The following SLC24A4 variants were observed in gnomAD, a reference collection of about 807,000 sequenced individuals.
The protein encoded by SLC24A4 is solute carrier family 24 member 4, also known as sodium/potassium/calcium exchanger 4.
In SLC24A4, 53 loss-of-function variants were observed where a neutral mutation model predicts 79.0. That is an observed-to-expected ratio of 0.67 (90% CI 0.54 to 0.84). The LOEUF (loss-of-function observed/expected upper bound fraction) is 0.84. Among genes scored for constraint, SLC24A4 ranks in the 40% least tolerant of loss-of-function variants. The pLI is 0.00. For synonymous variants in SLC24A4, 323 were observed against 323.8 expected, an observed-to-expected ratio of 1.00 and a Z score of 0.03; for missense variants, 731 against 822.0, an observed-to-expected ratio of 0.89 and a Z score of 1.35.
intron 3 of SLC24A4, among the ~76,000 whole-genome samples, chr14:92,438,723 A>C (rs1892320893): frequency 6.6e-6 from 1 of 152,202 alleles, no homozygotes; most frequent in African/African-American, 2.4e-5. Flanking sequence ...AGGAGCCTCC[A>C]TGTGTTCAGC....
At chr14:92,364,398 A>C (rs903584324) in intron 2 of SLC24A4, among the ~76,000 whole-genome samples, 2 of 152,154 alleles carry the variant, frequency 1.3e-5, no homozygotes, top group African/African-American at 4.8e-5. Context: ...CCACAGAGGG[A>C]AGGGAGGTGG....
chr14:92,333,576 T>G (rs750322117), intron 2 of SLC24A4, among the ~76,000 whole-genome samples: 4 of 152,200 alleles, frequency 2.6e-5, no homozygotes, highest in Non-Finnish European at 5.9e-5. Flanking sequence ...GTGGTTTTCC[T>G]TCTTCCAAAT....
intron 7 of SLC24A4, 125 bp downstream of exon 7, chr14:92,443,599 GCC>G: frequency 6.3e-6 from 6 of 955,398 alleles, no homozygotes; most frequent in Non-Finnish European, 9.6e-6. Flanking sequence ...AGTGGGGTGT[GCC>G]AGCCACTCAC....
Position 92,493,680 on chromosome 14 carries a change from T to C in SLC24A4, c.*52T>C. ...ATCTGGACACCCTGTGACACTGGCGTTCTCCTCTCCCCTCCTTCCCCCACC... is the reference window on the plus strand; with the variant it reads ...ATCTGGACACCCTGTGACACTGGCGCTCTCCTCTCCCCTCCTTCCCCCACC... On this transcript the variant is annotated 3_prime_UTR_variant, in exon 17 of 17. Coordinates refer to ENST00000532405, the MANE Select transcript of SLC24A4 (RefSeq NM_153646.4). The C allele has an allele frequency of 1.3e-6, 2 of 1,595,000 alleles. No homozygotes were observed. Among genetic ancestry groups the C allele is most frequent in the Non-Finnish European group, 1.7e-6 (2 of 1,168,876 alleles).
chr14:92,347,358 C>T (rs915259350), intron 2 of SLC24A4, among the ~76,000 whole-genome samples: 6 of 152,146 alleles, frequency 3.9e-5, no homozygotes, highest in African/African-American at 1.2e-4. Flanking sequence ...TTACTAATGA[C>T]CAAGGGCAGA....
intron 2 of SLC24A4, among the ~76,000 whole-genome samples, chr14:92,390,323 C>T (rs1221896597): frequency 6.6e-6 from 1 of 152,050 alleles, no homozygotes; most frequent in Admixed American, 6.6e-5. Context: ...AAGCAGAGGG[C>T]ACAGCTACTC....
chr14:92,391,438 C>G (rs1160476548), intron 2 of SLC24A4, among the ~76,000 whole-genome samples: 3 of 152,212 alleles, frequency 2.0e-5, no homozygotes, highest in African/African-American at 7.2e-5. Context: ...CAGCACCCAT[C>G]ATGCATTGCT....
Position 92,456,578 on chromosome 14 carries a change from G to A in SLC24A4, c.1225G>A (p.Ala409Thr). The A allele has an allele frequency of 6.2e-7, 1 of 1,613,888 alleles. No homozygotes were observed. Among genetic ancestry groups the A allele is most frequent in the Non-Finnish European group, 8.5e-7 (1 of 1,179,938 alleles). ...ACCGCCAGAGCCAGAGCCGGTGGAG[G>A]CTGACTTCCTGTCCCCCTTCTCCGT... ...PPPPEPEPVE[A>T]DFLSPFSVPE... Residue 409 changes from alanine (A) to threonine (T), a missense_variant, in exon 12 of 17, where the codon GCT becomes ACT. Ala to Thr is a moderately conservative substitution (Grantham distance 58). Transcript: ENST00000532405.
At chr14:92,390,100 C>T (rs1889380803) in intron 2 of SLC24A4, among the ~76,000 whole-genome samples, 1 of 148,256 alleles carries the variant, frequency 6.7e-6, no homozygotes, top group South Asian at 2.3e-4. Context: ...CAGGTCTTCC[C>T]GGCTACCCCT....
rs148253052 is a variant in SLC24A4 at position 92,449,136 on chromosome 14, C to A, written c.800C>A (p.Pro267Gln). 2.5e-6 allele frequency: 4 copies of A among 1,614,178 alleles called. No individual in the cohort carries two copies. Among genetic ancestry groups the A allele is most frequent in the South Asian group, 1.1e-5 (1 of 91,088 alleles). The change falls in exon 10 of 17, where the codon CCG becomes CAG. Residue 267 changes from proline (P) to glutamine (Q), a missense_variant. By Grantham distance (76) the Pro-to-Gln change is moderately conservative (BLOSUM62 -1). Transcript: ENST00000532405. ...VKQKSIANGN[P>Q]VNSELEAGND... The stretch of plus-strand genomic sequence containing the variant: ...CAAAAGAGCATTGCAAACGGTAACC[C>A]GGTCAACAGTGAGCTGGAGGCTGGT...
intron 2 of SLC24A4, among the ~76,000 whole-genome samples, chr14:92,341,056 A>G (rs1351849368): frequency 6.6e-6 from 1 of 152,200 alleles, no homozygotes; most frequent in African/African-American, 2.4e-5. Flanking sequence ...ATGAGTATGC[A>G]GGGAGGCCGG....
chr14:92,494,520 T>C lies in SLC24A4; in HGVS notation c.*892T>C, dbSNP rs1046085633. On this transcript the variant is annotated 3_prime_UTR_variant, in exon 17 of 17. Coordinates refer to ENST00000532405, the MANE Select transcript of SLC24A4 (RefSeq NM_153646.4). This position sits in a 1 kb window ranked among gnomAD's most constrained non-coding sequence, Gnocchi z 4.6. ...CTAACTCAGAGACTGGAGATTATAGTTTACAGCTGTACTTTCCAGATCTTC... is the reference window on the plus strand; with the variant it reads ...CTAACTCAGAGACTGGAGATTATAGCTTACAGCTGTACTTTCCAGATCTTC... The C allele has an allele frequency of 6.6e-6, 1 of 152,232 alleles. No homozygotes were observed. Among genetic ancestry groups the C allele is most frequent in the African/African-American group, 2.4e-5 (1 of 41,466 alleles). 9.4% of individuals were successfully genotyped at this position (152,232 alleles called of 1,614,324 possible).
In SLC24A4 at chr14:92,325,904, C is replaced by T. The variant is rs563783999; in HGVS notation, c.167C>T (p.Pro56Leu). The T allele has an allele frequency of 2.5e-6, 4 of 1,612,068 alleles. No individual in the cohort carries two copies. Among genetic ancestry groups the T allele is most frequent in the Non-Finnish European group, 3.4e-6 (4 of 1,179,114 alleles). Reference protein sequence around the residue: ...KTASASKRVLPDTWRNRKLMA... With the variant: ...KTASASKRVLLDTWRNRKLMA... ...GCTTCTGCTAGCAAACGTGTCCTGC[C>T]AGACACGTGGAGAAATAGAAAGTTG... The change falls in exon 2 of 17, where the codon CCA (proline) becomes CTA (leucine). Residue 56 changes from proline to leucine, a missense_variant. Physicochemically the swap from Pro to Leu is moderately conservative, Grantham distance 98 (BLOSUM62 -3). Transcript: ENST00000532405.
At chr14:92,448,995 A>C (rs903117129) in intron 9 of SLC24A4, 79 bp from the exon 10 acceptor site, 1 of 1,553,512 alleles carries the variant, frequency 6.4e-7, no homozygotes, top group African/African-American at 1.4e-5. Context: ...GCGTGCAGGG[A>C]TGGGGTGTGA....
chr14:92,458,858 A>G (rs1447621071), intron 12 of SLC24A4, among the ~76,000 whole-genome samples: 3 of 152,168 alleles, frequency 2.0e-5, no homozygotes, highest in Non-Finnish European at 2.9e-5. Context: ...GATGCCAGGG[A>G]GGGCCAGAGT....
At chr14:92,363,511 C>A (rs1887650388) in intron 2 of SLC24A4, among the ~76,000 whole-genome samples, 1 of 152,232 alleles carries the variant, frequency 6.6e-6, no homozygotes, top group African/African-American at 2.4e-5. Flanking sequence ...TTGCATGTAG[C>A]CTCCAGATTG....
At chr14:92,445,429 A>T in intron 8 of SLC24A4, 87 bp downstream of exon 8, 1 of 1,394,668 alleles carries the variant, frequency 7.2e-7, no homozygotes, top group Non-Finnish European at 1.0e-6. Flanking sequence ...ATCGTTTTAA[A>T]AATTATTTTT....
chr14:92,404,459 A>G (rs1327853762), intron 2 of SLC24A4, among the ~76,000 whole-genome samples: 1 of 151,864 alleles, frequency 6.6e-6, no homozygotes, highest in Non-Finnish European at 1.5e-5. Flanking sequence ...CTGAGCCCCC[A>G]GTCCCCATCC....
At chr14:92,405,446 G>A (rs1412635991) in intron 2 of SLC24A4, among the ~76,000 whole-genome samples, 1 of 152,164 alleles carries the variant, frequency 6.6e-6, no homozygotes, top group Non-Finnish European at 1.5e-5. Flanking sequence ...CAGTAGCAAA[G>A]GTTGATTATA....
Sources: gnomAD v4.1 joint callset for allele counts (sites outside exome capture counted in the v4.1 genomes callset) on GRCh38, gnomAD v4.1.1 for gene constraint, Gnocchi (gnomAD v3.1) non-coding constraint, MANE v1.5 for transcripts, NCBI Gene and HGNC (gene_info 2026-07-23, HGNC 2026-07-21) for gene names.